GABRA2: variants seen among roughly 807,000 people sequenced by gnomAD.
GABRA2 encodes gamma-aminobutyric acid type A receptor subunit alpha2.
In GABRA2, 16 loss-of-function variants were observed where a neutral mutation model predicts 48.7. The ratio of observed to expected loss-of-function variants is 0.33; its 90% CI spans 0.22 to 0.50. The LOEUF is 0.50. Ranked by LOEUF, GABRA2 falls within the 20% of genes least tolerant of loss-of-function variation. GABRA2 has a pLI of 0.98. For synonymous variants in GABRA2, 185 were observed against 184.5 expected (o/e 1.00, Z -0.02); for missense variants, 275 against 535.6 (o/e 0.51, Z 4.80).
intron 3 of GABRA2, chr4:46,364,419 C>T (rs1200388359): frequency 1.4e-5 from 2 of 148,052 alleles, no homozygotes; most frequent in African/African-American, 2.7e-5. Flanking sequence ...AAGACAATAC[C>T]CATTTATTAG....
chr4:46,320,296 G>A (rs1216516233), intron 4 of GABRA2, among the ~76,000 whole-genome samples: 1 of 151,794 alleles, frequency 6.6e-6, no homozygotes, highest in Non-Finnish European at 1.5e-5. Context: ...ACTCAAGGCA[G>A]ACTAAAGACC....
intron 8 of GABRA2, among the ~76,000 whole-genome samples, chr4:46,300,126 A>G (rs1725483316): frequency 6.6e-6 from 1 of 151,836 alleles, no homozygotes. Flanking sequence ...CAAATTTATT[A>G]TATGCTCAGC....
intron 3 of GABRA2, among the ~76,000 whole-genome samples, chr4:46,375,821 C>T (rs1216912937): frequency 6.6e-6 from 1 of 152,190 alleles, no homozygotes; most frequent in Non-Finnish European, 1.5e-5. Context: ...CTGGGTCTTG[C>T]TCGTGATAGT....
intron 3 of GABRA2, among the ~76,000 whole-genome samples, chr4:46,359,902 G>A (rs1712881984): frequency 1.3e-5 from 2 of 149,074 alleles, no homozygotes; most frequent in Admixed American, 1.3e-4. Flanking sequence ...GGGTAACAGA[G>A]TGAGACTCCA....
chr4:46,356,200 C>T (rs745545061), intron 3 of GABRA2, among the ~76,000 whole-genome samples: 52 of 152,260 alleles, frequency 3.4e-4, no homozygotes, highest in Middle Eastern at 3.4e-3. Flanking sequence ...TGCTGGACAT[C>T]TCGGAAAATC....
Position 46,310,738 on chromosome 4 carries a change from G to A in GABRA2, c.477-483C>T, listed in dbSNP as rs188057883. On this transcript the variant is annotated intron_variant, in intron 5 of 9. Coordinates refer to ENST00000381620, the MANE Select transcript of GABRA2 (RefSeq NM_000807.4). ...ACTGTATACTGCATATATATTCACA[G>A]CTATACATATAGTGCTAGATATAAA... Among the ~76,000 whole-genome samples, 23 of 152,250 alleles carry A rather than the reference G, an allele frequency of 1.5e-4. 1 individual carries two copies. Among genetic ancestry groups the A allele is most frequent in the Admixed American group, 1.2e-3 (19 of 15,290 alleles).
intron 3 of GABRA2, among the ~76,000 whole-genome samples, chr4:46,345,189 T>G (rs1360777949): frequency 6.6e-6 from 1 of 151,930 alleles, no homozygotes; most frequent in African/African-American, 2.4e-5. Context: ...CCTTCCACTA[T>G]GATTTTAAGT....
intron 8 of GABRA2, among the ~76,000 whole-genome samples, chr4:46,292,071 T>C (rs1723772874): frequency 6.6e-6 from 1 of 152,130 alleles, no homozygotes. Context: ...TTGACACTCC[T>C]GATTCATGGC....
intron 3 of GABRA2, 78 bp from the exon 4 acceptor site, chr4:46,332,760 A>T (rs767031080): frequency 1.5e-5 from 13 of 849,602 alleles, no homozygotes; most frequent in Non-Finnish European, 2.5e-5. Context: ...AGTACACGGT[A>T]TGGTTTGAAA....
At chr4:46,382,004 T>G (rs776980307) in intron 3 of GABRA2, among the ~76,000 whole-genome samples, 2 of 152,088 alleles carry the variant, frequency 1.3e-5, no homozygotes, top group Non-Finnish European at 2.9e-5. Flanking sequence ...CAAGAGATAT[T>G]TTGTTGAGTG....
chr4:46,280,044 GTTT>G (rs756130098), intron 8 of GABRA2, among the ~76,000 whole-genome samples: 95 of 148,976 alleles, frequency 6.4e-4, no homozygotes, highest in Non-Finnish European at 9.4e-4. Context: ...AGGCTTACAA[GTTT>G]TTTTTTAAAA....
At chr4:46,348,896 G>A (rs995558581) in intron 3 of GABRA2, among the ~76,000 whole-genome samples, 3 of 150,884 alleles carry the variant, frequency 2.0e-5, no homozygotes, top group African/African-American at 7.3e-5. Context: ...TGCACATTGT[G>A]CACATGTACC....
chr4:46,273,536 TGA>T (rs367722209), intron 8 of GABRA2, among the ~76,000 whole-genome samples: 508 of 26,446 alleles, frequency 0.019, 19 homozygotes, highest in African/African-American at 0.084. Context: ...TATATATATA[TGA>T]GAGAGAGAGG....
chr4:46,302,164 G>A (rs778409603), intron 8 of GABRA2, among the ~76,000 whole-genome samples: 24 of 151,490 alleles, frequency 1.6e-4, no homozygotes, highest in African/African-American at 2.9e-4. Flanking sequence ...AATCTCCCAC[G>A]TTCAAGCGAT....
intron 3 of GABRA2, among the ~76,000 whole-genome samples, chr4:46,358,596 G>A (rs1047613555): frequency 1.3e-5 from 2 of 152,118 alleles, no homozygotes; most frequent in African/African-American, 4.8e-5. Context: ...ATTATTTTAA[G>A]TGCATGCATT....
Position 46,389,754 on chromosome 4 carries a change from T to G in GABRA2, c.-30A>C. 8.2e-6 allele frequency: 8 copies of G among 974,880 alleles called. No homozygotes were observed. Among genetic ancestry groups the G allele is most frequent in the Non-Finnish European group, 9.7e-6 (8 of 828,318 alleles). 60.4% of individuals were successfully genotyped at this position (974,880 alleles called of 1,614,324 possible). On this transcript the variant is annotated 5_prime_UTR_variant, in exon 1 of 10. Transcript: ENST00000381620. ...CCCTACCTGAAACGGCAAGCAGAAT[T>G]CGGTGTTTTCTTCCTTTTGCCCTGA...
At chr4:46,338,684 T>C (rs1732691477) in intron 3 of GABRA2, among the ~76,000 whole-genome samples, 1 of 151,998 alleles carries the variant, frequency 6.6e-6, no homozygotes, top group East Asian at 1.9e-4. Context: ...AGACTGAAAA[T>C]CTTGGAAAGT....
chr4:46,352,874 G>A (rs1276727410), intron 3 of GABRA2, among the ~76,000 whole-genome samples: 2 of 152,074 alleles, frequency 1.3e-5, no homozygotes, highest in Non-Finnish European at 2.9e-5. Flanking sequence ...CAGGACCAGA[G>A]TAAGTTTAAC....
At chr4:46,269,799 T>C (rs991005133) in intron 8 of GABRA2, among the ~76,000 whole-genome samples, 2 of 151,918 alleles carry the variant, frequency 1.3e-5, no homozygotes, top group African/African-American at 4.8e-5. Flanking sequence ...CAATTTAATA[T>C]GGTAATATTA....
Sources: gnomAD v4.1 joint callset for allele counts (sites outside exome capture counted in the v4.1 genomes callset) on GRCh38, gnomAD v4.1.1 for gene constraint, MANE v1.5 for transcripts, NCBI Gene and HGNC (gene_info 2026-07-23, HGNC 2026-07-21) for gene names.